SLC24A4: variants seen among roughly 807,000 people sequenced by gnomAD.
The protein encoded by SLC24A4 is sodium/potassium/calcium exchanger 4.
Under a neutral mutation model 79.0 loss-of-function variants are expected in SLC24A4, and 53 were observed. The observed-to-expected ratio is 0.67, with a 90% CI of 0.54 to 0.84. The LOEUF (loss-of-function observed/expected upper bound fraction) is 0.84. SLC24A4 is among the 40% of genes least tolerant of loss of function. SLC24A4 has a pLI of 0.00. For missense variants in SLC24A4, 731 were observed against 822.0 expected, an observed-to-expected ratio of 0.89 and a Z score of 1.35; for synonymous variants, 323 against 323.8, an observed-to-expected ratio of 1.00 and a Z score of 0.03.
At chr14:92,362,194 G>GA (rs1383778582) in intron 2 of SLC24A4, among the ~76,000 whole-genome samples, 1 of 121,824 alleles carries the variant, frequency 8.2e-6, no homozygotes, top group Non-Finnish European at 1.8e-5. Flanking sequence ...CTGAATCCTT[G>GA]CTGACCTCAG....
rs1355593344 is a variant in SLC24A4, at chr14:92,491,353, T to G, written c.1538-312T>G. Among the ~76,000 whole-genome samples, 4 of 152,282 alleles carry G rather than the reference T, an allele frequency of 2.6e-5. No individual in the cohort carries two copies. The East Asian group carries it at 7.7e-4, about 29-fold the overall frequency. Reference sequence around the variant, plus strand: ...AAGAAAAAATCCAGTCATATTGGATTAAGACCCTAACGACCTCATTTTAAC... The same window carrying G: ...AAGAAAAAATCCAGTCATATTGGATGAAGACCCTAACGACCTCATTTTAAC... On this transcript the variant is annotated intron_variant, in intron 14 of 16. Transcript: ENST00000532405.
chr14:92,378,525 A>G (rs914686831), intron 2 of SLC24A4, among the ~76,000 whole-genome samples: 1 of 152,144 alleles, frequency 6.6e-6, no homozygotes, highest in African/African-American at 2.4e-5. Flanking sequence ...GCTGCTTAAC[A>G]TCTTCTCCAC....
At chr14:92,332,577 A>G (rs1024819799) in intron 2 of SLC24A4, among the ~76,000 whole-genome samples, 2 of 152,230 alleles carry the variant, frequency 1.3e-5, no homozygotes, top group African/African-American at 4.8e-5. Flanking sequence ...CCTGTCTAAA[A>G]GTTATACATA....
chr14:92,359,849 T>C (rs1209406662), intron 2 of SLC24A4, among the ~76,000 whole-genome samples: 1 of 152,244 alleles, frequency 6.6e-6, no homozygotes, highest in African/African-American at 2.4e-5. Context: ...GGTATAACCA[T>C]TTTAATTTTG....
chr14:92,410,926 C>A (rs1389525960), intron 2 of SLC24A4, among the ~76,000 whole-genome samples: 2 of 152,160 alleles, frequency 1.3e-5, no homozygotes, highest in Non-Finnish European at 2.9e-5. Flanking sequence ...AGAAATTCAT[C>A]CAAAGACAAG....
chr14:92,485,032 C>A, intron 13 of SLC24A4: 1 of 346,256 alleles, frequency 2.9e-6, no homozygotes, highest in Non-Finnish European at 4.1e-6. Flanking sequence ...TGGTTGGTTG[C>A]TCATGACAGT....
chr14:92,459,852 C>T (rs1268760307), intron 12 of SLC24A4, among the ~76,000 whole-genome samples: 1 of 152,164 alleles, frequency 6.6e-6, no homozygotes, highest in Non-Finnish European at 1.5e-5. Context: ...CAGAAATACC[C>T]TGTATCCAGC....
chr14:92,483,902 T>TA, intron 13 of SLC24A4: 1 of 1,284,268 alleles, frequency 7.8e-7, no homozygotes, highest in Non-Finnish European at 1.0e-6. Flanking sequence ...GCAGGGCCAG[T>TA]AAACGTTCCA....
chr14:92,426,566 C>T (rs1306501350), intron 2 of SLC24A4, among the ~76,000 whole-genome samples: 1 of 152,142 alleles, frequency 6.6e-6, no homozygotes, highest in Admixed American at 6.5e-5. Flanking sequence ...CACTGAATCT[C>T]TTTTGGAATG....
At chr14:92,472,448 G>C (rs1247521797) in intron 12 of SLC24A4, among the ~76,000 whole-genome samples, 1 of 151,918 alleles carries the variant, frequency 6.6e-6, no homozygotes, top group African/African-American at 2.4e-5. Context: ...TCATTCTTAT[G>C]CCTTTGGATC....
chr14:92,407,913 G>C (rs2141781172), intron 2 of SLC24A4, among the ~76,000 whole-genome samples: 1 of 137,286 alleles, frequency 7.3e-6, no homozygotes, highest in East Asian at 2.3e-4. Context: ...TTATTTTTTG[G>C]CCAGGTGTGT....
chr14:92,489,180 G>A (rs1895537329), intron 14 of SLC24A4, among the ~76,000 whole-genome samples: 2 of 152,084 alleles, frequency 1.3e-5, no homozygotes, highest in African/African-American at 4.8e-5. Flanking sequence ...GGTCATACCT[G>A]TAATCCCAGC....
At chr14:92,375,762 C>T (rs781582277) in intron 2 of SLC24A4, among the ~76,000 whole-genome samples, 3 of 152,198 alleles carry the variant, frequency 2.0e-5, no homozygotes, top group South Asian at 2.1e-4. Context: ...GGCAAATCCA[C>T]GCTGACAGAA....
chr14:92,483,386 G>A lies in SLC24A4; in HGVS notation c.1422+540G>A, dbSNP rs187366684. Reference sequence around the variant, plus strand: ...CTCCATCTAACGAATGGGGGAAATCGAGGCATAGAGAAATTGAGTAATTTC... The same window carrying A: ...CTCCATCTAACGAATGGGGGAAATCAAGGCATAGAGAAATTGAGTAATTTC... On this transcript the variant is annotated intron_variant, in intron 13 of 16. Transcript: ENST00000532405. Among the ~76,000 whole-genome samples, 515 of 152,280 alleles carry A rather than the reference G, an allele frequency of 3.4e-3. 4 individuals carry two copies. The highest frequency in any genetic ancestry group is 0.012 in the African/African-American group (492 of 41,552).
intron 2 of SLC24A4, among the ~76,000 whole-genome samples, chr14:92,362,121 C>T (rs1378136420): frequency 1.3e-5 from 2 of 152,078 alleles, no homozygotes; most frequent in Non-Finnish European, 2.9e-5. Flanking sequence ...TGGAATTTTC[C>T]TTTCGTGCTT....
intron 3 of SLC24A4, among the ~76,000 whole-genome samples, chr14:92,434,837 G>C (rs1249455041): frequency 6.6e-6 from 1 of 152,136 alleles, no homozygotes; most frequent in Non-Finnish European, 1.5e-5. Context: ...ACAGTGGCGC[G>C]ATCTTGGCTC....
chr14:92,438,391 T>C (rs553594120), intron 3 of SLC24A4, among the ~76,000 whole-genome samples: 9 of 151,890 alleles, frequency 5.9e-5, no homozygotes, highest in Middle Eastern at 3.4e-3. Context: ...AGCACTTGAG[T>C]CCAGGAGTTC....
At chr14:92,471,868 A>G (rs991782174) in intron 12 of SLC24A4, among the ~76,000 whole-genome samples, 1 of 152,224 alleles carries the variant, frequency 6.6e-6, no homozygotes, top group South Asian at 2.1e-4. Flanking sequence ...TGCCCTCTAC[A>G]ACCTAGAATT....
chr14:92,479,804 T>C (rs1308494285), intron 12 of SLC24A4, among the ~76,000 whole-genome samples: 1 of 152,246 alleles, frequency 6.6e-6, no homozygotes, highest in African/African-American at 2.4e-5. Flanking sequence ...TTTAAACATT[T>C]GGTAGAAGTC....
Sources: allele counts gnomAD v4.1 joint callset (sites outside exome capture counted in the v4.1 genomes callset), GRCh38; gene constraint gnomAD v4.1.1; transcripts MANE v1.5; gene names NCBI Gene and HGNC (gene_info 2026-07-23, HGNC 2026-07-21).